Variants in TAS2R1 observed in about 807,000 individuals in gnomAD.
The protein encoded by TAS2R1 is taste 2 receptor member 1.
For synonymous variants in TAS2R1, 141 were observed against 134.2 expected (o/e 1.05, Z -0.35); for missense variants, 370 against 353.4 (o/e 1.05, Z -0.38).
At chr5:9,752,305 C>A in the TAS2R1 span, among the ~76,000 whole-genome samples, 2 of 152,146 alleles carry the variant, frequency 1.3e-5, no homozygotes, top group Non-Finnish European at 2.9e-5. Flanking sequence ...CCAATGTTAG[C>A]TTTTGGCAAT....
chr5:9,643,866 G>T (rs1013808174), intron 2 of TAS2R1, among the ~76,000 whole-genome samples: 1 of 152,138 alleles, frequency 6.6e-6, no homozygotes, highest in Admixed American at 6.5e-5. Context: ...AGAAAGTGTG[G>T]TCAGGAAAGC....
At chr5:9,847,642 A>G in the TAS2R1 span, among the ~76,000 whole-genome samples, 1 of 152,334 alleles carries the variant, frequency 6.6e-6, no homozygotes, top group South Asian at 2.1e-4. Flanking sequence ...AGCATCAACG[A>G]CAAGCCAGCT....
the TAS2R1 span, among the ~76,000 whole-genome samples, chr5:9,820,935 C>T: frequency 6.6e-6 from 1 of 152,244 alleles, no homozygotes; most frequent in East Asian, 1.9e-4. Context: ...CATCATCAGC[C>T]TATATCCACA....
At chr5:9,692,185 C>T (rs528941491) in intron 1 of TAS2R1, among the ~76,000 whole-genome samples, 1 of 152,294 alleles carries the variant, frequency 6.6e-6, no homozygotes, top group Admixed American at 6.5e-5. Context: ...ACTCTACGTG[C>T]TTGTCAGAGC....
At chr5:9,873,130 C>T in the TAS2R1 span, among the ~76,000 whole-genome samples, 7 of 152,182 alleles carry the variant, frequency 4.6e-5, no homozygotes, top group African/African-American at 1.7e-4. Flanking sequence ...GAGTTTAAAC[C>T]TAACCAGTGG....
At chr5:9,884,779 G>C in the TAS2R1 span, among the ~76,000 whole-genome samples, 1 of 152,270 alleles carries the variant, frequency 6.6e-6, no homozygotes, top group East Asian at 1.9e-4. Flanking sequence ...TTAAATGTTA[G>C]CTTCAAAATA....
chr5:9,630,590 A>G (rs1056644253), upstream of TAS2R1, among the ~76,000 whole-genome samples: 2 of 152,208 alleles, frequency 1.3e-5, no homozygotes, highest in South Asian at 4.1e-4. Flanking sequence ...ATAGTTATAG[A>G]ATAAAATATA....
intron 1 of TAS2R1, among the ~76,000 whole-genome samples, chr5:9,681,440 CT>C (rs1184764860): frequency 6.7e-6 from 1 of 149,324 alleles, no homozygotes; most frequent in Non-Finnish European, 1.5e-5. Flanking sequence ...AAAATTGAAA[CT>C]TCATCCTTAG....
chr5:9,715,588 G>A (rs1734795123), upstream of TAS2R1, among the ~76,000 whole-genome samples: 1 of 152,228 alleles, frequency 6.6e-6, no homozygotes, highest in Non-Finnish European at 1.5e-5. Context: ...CAGGACAGGT[G>A]GGTTTCAACA....
chr5:9,886,279 G>A, the TAS2R1 span, among the ~76,000 whole-genome samples: 1 of 150,512 alleles, frequency 6.6e-6, no homozygotes, highest in Non-Finnish European at 1.5e-5. Flanking sequence ...CAATTCACCG[G>A]CCTCAGCCTC....
chr5:9,850,171 T>C, the TAS2R1 span, among the ~76,000 whole-genome samples: 1 of 152,038 alleles, frequency 6.6e-6, no homozygotes, highest in Non-Finnish European at 1.5e-5. Context: ...TCCTCTTCCC[T>C]CCTCTGGGCT....
At chr5:9,639,814 C>T (rs1158194153) in intron 2 of TAS2R1, among the ~76,000 whole-genome samples, 1 of 152,216 alleles carries the variant, frequency 6.6e-6, no homozygotes, top group Non-Finnish European at 1.5e-5. Flanking sequence ...CTCTCTCAGT[C>T]TCATACAATT....
the TAS2R1 span, among the ~76,000 whole-genome samples, chr5:9,830,605 G>GCACACA: frequency 0.087 from 13,098 of 149,712 alleles, 600 homozygotes; most frequent in Non-Finnish European, 0.11. Flanking sequence ...ACGTGCGCGC[G>GCACACA]CACACACACA....
the TAS2R1 span, among the ~76,000 whole-genome samples, chr5:9,844,193 G>A: frequency 3.3e-5 from 5 of 152,178 alleles, no homozygotes; most frequent in African/African-American, 1.2e-4. Context: ...TGAGATCATG[G>A]AGACAATCTT....
chr5:9,789,503 C>T, the TAS2R1 span, among the ~76,000 whole-genome samples: 3 of 152,178 alleles, frequency 2.0e-5, no homozygotes, highest in Non-Finnish European at 4.4e-5. Flanking sequence ...CCAATTACAA[C>T]GTTGCATAGA....
the TAS2R1 span, among the ~76,000 whole-genome samples, chr5:9,751,278 C>A: frequency 0.33 from 50,078 of 151,304 alleles, 9,424 homozygotes; most frequent in Admixed American, 0.43. Flanking sequence ...AACCCTCCCC[C>A]ACCCCCACCA....
the TAS2R1 span, among the ~76,000 whole-genome samples, chr5:9,878,209 T>C: frequency 6.6e-6 from 1 of 152,150 alleles, no homozygotes; most frequent in Non-Finnish European, 1.5e-5. Flanking sequence ...TATAAAATGG[T>C]TCATCTTGAA....
the TAS2R1 span, among the ~76,000 whole-genome samples, chr5:9,719,232 A>T: frequency 6.6e-6 from 1 of 152,164 alleles, no homozygotes; most frequent in Non-Finnish European, 1.5e-5. Context: ...ATTCGAAAAA[A>T]ATTGTGTATG....
chr5:9,662,285 C>A (rs1213494421), intron 1 of TAS2R1, among the ~76,000 whole-genome samples: 2 of 152,168 alleles, frequency 1.3e-5, no homozygotes, highest in Non-Finnish European at 2.9e-5. Flanking sequence ...TCATTACCCC[C>A]AAATATCAAA....
Sources: allele counts gnomAD v4.1 joint callset (sites outside exome capture counted in the v4.1 genomes callset), GRCh38; gene constraint gnomAD v4.1.1; transcripts MANE v1.5; gene names NCBI Gene and HGNC (gene_info 2026-07-23, HGNC 2026-07-21).